The following TSPAN9 variants were observed in gnomAD, a reference collection of about 807,000 sequenced individuals.
The protein encoded by TSPAN9 is tetraspanin-9.
Under a neutral mutation model 31.0 loss-of-function variants are expected in TSPAN9, and 16 were observed. That is an observed-to-expected ratio of 0.52 (90% CI 0.35 to 0.78). The LOEUF is 0.78. Among genes scored for constraint, TSPAN9 ranks in the 30% least tolerant of loss-of-function variants. The pLI is 0.01. For synonymous variants in TSPAN9, 145 were observed against 121.6 expected (o/e 1.19, Z -1.27); for missense variants, 272 against 312.5 (o/e 0.87, Z 0.98).
chr12:3,109,662 G>A (rs1208611939), intron 2 of TSPAN9, among the ~76,000 whole-genome samples: 2 of 151,788 alleles, frequency 1.3e-5, no homozygotes, highest in Non-Finnish European at 2.9e-5. Context: ...GCCGGGCATC[G>A]TGGCAGGCGC....
chr12:3,087,362 TAGTC>T (rs1591620781), intron 2 of TSPAN9, among the ~76,000 whole-genome samples: 2 of 152,024 alleles, frequency 1.3e-5, no homozygotes, highest in East Asian at 3.9e-4. Context: ...AAAAAAAAAT[TAGTC>T]AGGTGTGGTA....
intron 3 of TSPAN9, among the ~76,000 whole-genome samples, chr12:3,278,011 T>G (rs1862821203): frequency 6.6e-6 from 1 of 152,232 alleles, no homozygotes; most frequent in African/African-American, 2.4e-5. Flanking sequence ...TTGCTTTTCC[T>G]GACCCCAGTT....
intron 3 of TSPAN9, among the ~76,000 whole-genome samples, chr12:3,212,235 G>T (rs2098379127): frequency 6.6e-6 from 1 of 152,112 alleles, no homozygotes; most frequent in Non-Finnish European, 1.5e-5. Flanking sequence ...CTCCCAAAGT[G>T]CTGGGATTAC....
intron 3 of TSPAN9, among the ~76,000 whole-genome samples, chr12:3,276,356 C>T (rs76252368): frequency 0.012 from 1,844 of 152,364 alleles, 20 homozygotes; most frequent in Non-Finnish European, 0.019. Flanking sequence ...GTTTCCTTTA[C>T]CTGCGAGGTC....
chr12:3,125,558 A>G (rs2098326973), intron 2 of TSPAN9, among the ~76,000 whole-genome samples: 1 of 152,176 alleles, frequency 6.6e-6, no homozygotes, highest in Admixed American at 6.5e-5. Context: ...GATGAGAGAG[A>G]CATTTCATAT....
At chr12:3,110,559 G>A (rs1438446821) in intron 2 of TSPAN9, among the ~76,000 whole-genome samples, 1 of 151,976 alleles carries the variant, frequency 6.6e-6, no homozygotes, top group Non-Finnish European at 1.5e-5. Context: ...TTTCAGCCTT[G>A]TGGGAAAGGA....
intron 2 of TSPAN9, among the ~76,000 whole-genome samples, chr12:3,098,858 C>G (rs1388941462): frequency 6.6e-6 from 1 of 150,620 alleles, no homozygotes; most frequent in Non-Finnish European, 1.5e-5. Context: ...TCAAGTGATT[C>G]TTGCTCCTCA....
At chr12:3,276,639 C>A (rs1862795396) in intron 3 of TSPAN9, among the ~76,000 whole-genome samples, 2 of 152,250 alleles carry the variant, frequency 1.3e-5, no homozygotes, top group Admixed American at 1.3e-4. Context: ...TATTTTCTGG[C>A]TCTTTACATT....
chr12:3,226,766 ATATATATATATATATATATATATATATAT>A (rs1213177034), intron 3 of TSPAN9, among the ~76,000 whole-genome samples: 22 of 1,560 alleles, frequency 0.014, 4 homozygotes, highest in African/African-American at 0.041. Context: ...ATATATATAT[ATATATATATATATATATATATATATATAT>A]TTTTTTTTTT....
At chr12:3,146,457 G>C (rs1242731588) in intron 2 of TSPAN9, among the ~76,000 whole-genome samples, 1 of 152,138 alleles carries the variant, frequency 6.6e-6, no homozygotes, top group African/African-American at 2.4e-5. Context: ...AGTATCTGTG[G>C]AGCACCTCCT....
intron 3 of TSPAN9, among the ~76,000 whole-genome samples, chr12:3,266,005 G>A (rs1862529545): frequency 6.6e-6 from 1 of 152,152 alleles, no homozygotes; most frequent in South Asian, 2.1e-4. Flanking sequence ...GTTAATGCCA[G>A]CTTTCTCCTC....
chr12:3,141,564 C>G (rs1283942643), intron 2 of TSPAN9, among the ~76,000 whole-genome samples: 2 of 152,150 alleles, frequency 1.3e-5, no homozygotes, highest in Non-Finnish European at 2.9e-5. Flanking sequence ...GCCTGTCCCT[C>G]ATTCCGTGCC....
At chr12:3,088,222 A>G (rs1393449229) in intron 2 of TSPAN9, among the ~76,000 whole-genome samples, 2 of 152,268 alleles carry the variant, frequency 1.3e-5, no homozygotes, top group East Asian at 3.8e-4. Context: ...GCTTTGTTTA[A>G]AAACTGGACA....
Position 3,192,928 on chromosome 12 carries a change from G to A in TSPAN9, c.-17-8249G>A, listed in dbSNP as rs1366150717. On this transcript the variant is annotated intron_variant, in intron 2 of 8. Transcript: ENST00000011898. This position sits in a 1 kb window ranked among gnomAD's most constrained non-coding sequence, Gnocchi z 4.6. ...GCTGGTTCCATGTTGACTATAATAA[G>A]TATTGTTGGGAATGATAATAGTGCC... is the stretch of plus-strand genomic sequence containing the variant. Among the ~76,000 whole-genome samples the A allele has an allele frequency of 6.6e-6, 1 of 152,134 alleles. No homozygotes were observed. Among genetic ancestry groups the A allele is most frequent in the Non-Finnish European group, 1.5e-5 (1 of 68,030 alleles).
Position 3,098,382 on chromosome 12 carries a change from G to C in TSPAN9, c.-18+14663G>C, listed in dbSNP as rs117106384. Among the ~76,000 whole-genome samples, 509 of 152,332 alleles carry C rather than the reference G, an allele frequency of 3.3e-3. 3 individuals are homozygous for C. Among genetic ancestry groups the C allele is most frequent in the South Asian group, 0.032 (155 of 4,830 alleles). On this transcript the variant is annotated intron_variant, in intron 2 of 8. Transcript: ENST00000011898. Reference sequence around the variant, plus strand: ...GAAGAGGGGGCAGGCTGAGGGCTCAGGTGTTACACTCGGATCCCAGACCTC... The same window carrying C: ...GAAGAGGGGGCAGGCTGAGGGCTCACGTGTTACACTCGGATCCCAGACCTC...
chr12:3,234,620 T>C (rs772393785), intron 3 of TSPAN9, among the ~76,000 whole-genome samples: 1 of 152,222 alleles, frequency 6.6e-6, no homozygotes, highest in South Asian at 2.1e-4. Context: ...TCAGGTGCAC[T>C]GTGCAGTGAG....
At chr12:3,109,265 A>AGTGTGTGT (rs1461795540) in intron 2 of TSPAN9, among the ~76,000 whole-genome samples, 4 of 26,960 alleles carry the variant, frequency 1.5e-4, no homozygotes, top group African/African-American at 8.0e-4. Flanking sequence ...TGTTTCATAT[A>AGTGTGTGT]GTCTGTGTGT....
intron 1 of TSPAN9, among the ~76,000 whole-genome samples, chr12:3,081,834 G>A (rs961002474): frequency 0.089 from 6,753 of 75,498 alleles, 340 homozygotes; most frequent in Non-Finnish European, 0.12. Context: ...GTGTGTGTGT[G>A]TCTGTGTGTG....
At chr12:3,160,927 T>G (rs779566077) in intron 2 of TSPAN9, among the ~76,000 whole-genome samples, 8 of 152,222 alleles carry the variant, frequency 5.3e-5, no homozygotes, top group Non-Finnish European at 1.0e-4. Context: ...CATAAGAGTT[T>G]TTAATTTTGT....
Sources: gnomAD v4.1 joint callset for allele counts (sites outside exome capture counted in the v4.1 genomes callset) on GRCh38, gnomAD v4.1.1 for gene constraint, Gnocchi (gnomAD v3.1) non-coding constraint, MANE v1.5 for transcripts, NCBI Gene and HGNC (gene_info 2026-07-23, HGNC 2026-07-21) for gene names.